ADGRB3: variants seen among roughly 807,000 people sequenced by gnomAD.
ADGRB3 encodes the protein brain-specific angiogenesis inhibitor 3.
ADGRB3 carries 37 observed loss-of-function variants against 193.4 expected under a neutral mutation model. The ratio of observed to expected loss-of-function variants is 0.19; its 90% confidence interval spans 0.15 to 0.25. ADGRB3 has a LOEUF of 0.25. ADGRB3 is among the 10% of genes least tolerant of loss of function. ADGRB3 has a pLI of 1.00. For missense variants in ADGRB3, 1,637 were observed against 1,852.9 expected, an observed-to-expected ratio of 0.88 and a Z score of 2.14; for synonymous variants, 690 against 644.2, an observed-to-expected ratio of 1.07 and a Z score of -1.08.
At chr6:68,682,402 G>T (rs188591507) in intron 3 of ADGRB3, among the ~76,000 whole-genome samples, 1 of 152,152 alleles carries the variant, frequency 6.6e-6, no homozygotes, top group Admixed American at 6.5e-5. Context: ...TCGAACCAAA[G>T]AAAATAAATT....
intron 17 of ADGRB3, among the ~76,000 whole-genome samples, chr6:69,086,619 T>G (rs1772558200): frequency 6.6e-6 from 1 of 152,134 alleles, no homozygotes; most frequent in South Asian, 2.1e-4. Flanking sequence ...TTTTTTTGGT[T>G]TGGTTGGGTC....
At chr6:69,232,312 C>G (rs1021453445) in intron 17 of ADGRB3, 1 of 882,050 alleles carries the variant, frequency 1.1e-6, no homozygotes, top group Admixed American at 3.6e-5. Flanking sequence ...TGTAGTTCTG[C>G]TGGGGGTGGA....
intron 17 of ADGRB3, among the ~76,000 whole-genome samples, chr6:69,110,829 C>T (rs1399299659): frequency 1.3e-5 from 2 of 152,138 alleles, no homozygotes; most frequent in Non-Finnish European, 2.9e-5. Context: ...CTTCAGCTTA[C>T]ATACGGTGAA....
chr6:68,721,677 T>G (rs1454657850), intron 3 of ADGRB3, among the ~76,000 whole-genome samples: 1 of 147,156 alleles, frequency 6.8e-6, no homozygotes, highest in Non-Finnish European at 1.5e-5. Flanking sequence ...TCAACTTCAA[T>G]AAGCTATAGA....
At chr6:68,726,616 G>A (rs192008403) in intron 3 of ADGRB3, among the ~76,000 whole-genome samples, 1 of 151,628 alleles carries the variant, frequency 6.6e-6, no homozygotes, top group Admixed American at 6.6e-5. Context: ...GGAGGGCTTG[G>A]TTATTTCCCT....
At chr6:68,976,306 TA>T (rs1390418017) in intron 10 of ADGRB3, among the ~76,000 whole-genome samples, 3 of 152,202 alleles carry the variant, frequency 2.0e-5, no homozygotes, top group Non-Finnish European at 4.4e-5. Flanking sequence ...AGCATTTTTT[TA>T]AAATCTGAAA....
intron 20 of ADGRB3, among the ~76,000 whole-genome samples, chr6:69,274,394 G>A (rs1372297089): frequency 6.6e-6 from 1 of 150,822 alleles, no homozygotes; most frequent in Non-Finnish European, 1.5e-5. Context: ...GACAGCACGT[G>A]GCAGATAATT....
chr6:69,367,173 G>A (rs1364050430), intron 29 of ADGRB3, among the ~76,000 whole-genome samples: 1 of 152,092 alleles, frequency 6.6e-6, no homozygotes, highest in African/African-American at 2.4e-5. Context: ...TCCTGAGGTA[G>A]AAAAGAGTTT....
At chr6:68,985,593 C>A (rs1347910809) in intron 10 of ADGRB3, among the ~76,000 whole-genome samples, 2 of 152,082 alleles carry the variant, frequency 1.3e-5, no homozygotes, top group Non-Finnish European at 1.5e-5. Context: ...CCATGTCAGG[C>A]CTGAGAGTGT....
Position 68,956,180 on chromosome 6 carries a change from A to C in ADGRB3, c.1352A>C (p.Glu451Ala), listed in dbSNP as rs754240070. The change falls in exon 7 of 32, where the codon GAA becomes GCA. Residue 451 changes from glutamate (E) to alanine (A), a missense_variant. By Grantham distance (107) the Glu-to-Ala change is moderately radical. Around this residue, in one of 7 missense-constraint regions of ADGRB3, gnomAD observed 641 missense variants for 673.9 expected, o/e 0.95. Transcript: ENST00000370598. The part of the protein sequence containing the change: ...WAESRECYNP[E>A]CTANGQWNQW... ...GAAAGCAGAGAGTGCTATAACCCTG[A>C]ATGTACAGGTAGGGCTTGATTCCTG... is the stretch of plus-strand genomic sequence containing the variant. 1 of 1,610,622 alleles carries C rather than the reference A, an allele frequency of 6.2e-7. No homozygotes were observed. Among genetic ancestry groups the C allele is most frequent in the Admixed American group, 1.7e-5 (1 of 59,678 alleles).
At chr6:69,142,129 A>T (rs886716888) in intron 17 of ADGRB3, among the ~76,000 whole-genome samples, 3 of 152,156 alleles carry the variant, frequency 2.0e-5, no homozygotes, top group African/African-American at 7.2e-5. Flanking sequence ...TTAAAAATAT[A>T]ATATCTTTAG....
At chr6:69,065,632 T>G (rs2150308978) in intron 16 of ADGRB3, among the ~76,000 whole-genome samples, 1 of 152,196 alleles carries the variant, frequency 6.6e-6, no homozygotes, top group East Asian at 1.9e-4. Flanking sequence ...TGAGATTAGT[T>G]TATTTCCATT....
chr6:69,030,992 TTTCTTTTCC>T (rs1261073179), intron 13 of ADGRB3, among the ~76,000 whole-genome samples: 1,008 of 46,588 alleles, frequency 0.022, 174 homozygotes, highest in Middle Eastern at 0.059. Context: ...TTTTCTTTTC[TTTCTTTTCC>T]TTTCTTTTCT....
intron 15 of ADGRB3, among the ~76,000 whole-genome samples, chr6:69,058,065 C>T (rs192612545): frequency 5.1e-4 from 77 of 151,904 alleles, no homozygotes; most frequent in African/African-American, 1.7e-3. Context: ...ACTTCTGGTC[C>T]TCTAGACTTT....
intron 18 of ADGRB3, among the ~76,000 whole-genome samples, chr6:69,233,702 A>G (rs949876963): frequency 6.6e-5 from 10 of 152,220 alleles, no homozygotes; most frequent in African/African-American, 2.4e-4. Flanking sequence ...TCAAATAAAA[A>G]TAATTGTCAA....
Position 69,233,306 on chromosome 6 carries a change from A to G in ADGRB3, c.2497A>G (p.Thr833Ala). ...CCTTTGCAGGAACGAGTCTTTGGGA[A>G]CGTGGTCCACCCAGGGATGTAAAAC... ...DDSKTNESLG[T>A]WSTQGCKTVL... The change falls in exon 18 of 32, where the codon ACG (threonine) becomes GCG (alanine). Residue 833 changes from threonine (T) to alanine (A), a missense_variant. Thr to Ala is a moderately conservative substitution (Grantham distance 58). Transcript: ENST00000370598. 1 of 1,613,720 alleles carries G rather than the reference A, an allele frequency of 6.2e-7. No individual in the cohort carries two copies. Among genetic ancestry groups the G allele is most frequent in the Non-Finnish European group, 8.5e-7 (1 of 1,179,858 alleles).
chr6:69,300,636 A>G (rs1384046318), intron 20 of ADGRB3, among the ~76,000 whole-genome samples: 1 of 151,860 alleles, frequency 6.6e-6, no homozygotes, highest in African/African-American at 2.4e-5. Context: ...ATACAAAAGC[A>G]ACATTAAAAA....
At chr6:69,098,590 T>C (rs1383126662) in intron 17 of ADGRB3, among the ~76,000 whole-genome samples, 2 of 152,038 alleles carry the variant, frequency 1.3e-5, no homozygotes, top group Non-Finnish European at 2.9e-5. Context: ...AACCATCCGA[T>C]CTCATGAGAA....
intron 3 of ADGRB3, among the ~76,000 whole-genome samples, chr6:68,815,508 T>A (rs1305574003): frequency 6.6e-6 from 1 of 152,018 alleles, no homozygotes; most frequent in East Asian, 1.9e-4. Context: ...GAGAATTTAT[T>A]ATCTTAATAT....
Sources: allele counts gnomAD v4.1 joint callset (sites outside exome capture counted in the v4.1 genomes callset), GRCh38; gene constraint gnomAD v4.1.1; regional missense constraint gnomAD v4.1.1; transcripts MANE v1.5; gene names NCBI Gene and HGNC (gene_info 2026-07-23, HGNC 2026-07-21).